The following RFC5 variants were observed in gnomAD, a reference collection of about 807,000 sequenced individuals.
RFC5 encodes the protein A1 36 kDa subunit.
A neutral mutation model predicts 44.3 loss-of-function variants in RFC5; 26 were observed. The observed-to-expected ratio is 0.59, with a 90% CI of 0.43 to 0.81. The LOEUF (loss-of-function observed/expected upper bound fraction) is 0.81. Among genes scored for constraint, RFC5 ranks in the 40% least tolerant of loss-of-function variants. The pLI, the probability that RFC5 is intolerant of heterozygous loss-of-function variation, is 0.00. For missense variants in RFC5, 328 were observed against 418.6 expected, an observed-to-expected ratio of 0.78 and a Z score of 1.89; for synonymous variants, 155 against 155.2, an observed-to-expected ratio of 1.00 and a Z score of 0.01.
chr12:118,037,126 G>C (rs144645720), downstream of RFC5, among the ~76,000 whole-genome samples: 710 of 152,164 alleles, frequency 4.7e-3, 5 homozygotes, highest in African/African-American at 0.016. Context: ...AGGTTGCAGT[G>C]ACCTGAGATC....
intron 5 of RFC5, 107 bp from the exon 6 acceptor site, chr12:118,024,744 G>C (rs998256644): frequency 2.2e-6 from 2 of 928,372 alleles, no homozygotes; most frequent in Admixed American, 4.5e-5. Context: ...TTGCAGTATT[G>C]AATCTTTTCC....
chr12:118,020,211 C>T (rs905720282), intron 3 of RFC5, among the ~76,000 whole-genome samples: 1 of 152,178 alleles, frequency 6.6e-6, no homozygotes, highest in Non-Finnish European at 1.5e-5. Flanking sequence ...GATGCCTGGG[C>T]CTTCCCTGGG....
chr12:118,018,098 T>C (rs1382107927), intron 1 of RFC5: 3 of 684,976 alleles, frequency 4.4e-6, no homozygotes, highest in Admixed American at 4.1e-5. Flanking sequence ...TCTGGTTTCT[T>C]TCACTCAGGA....
rs2030339355 is a variant in RFC5 at position 118,019,502 on chromosome 12, A to C, written c.131-130A>C. 1.0e-6 allele frequency: 1 copy of C among 986,972 alleles called. No individual in the cohort carries two copies. Among genetic ancestry groups the C allele is most frequent in the African/African-American group, 1.6e-5 (1 of 61,404 alleles). The allele number at this position is 986,972 out of a possible 1,614,324, so 61.1% of individuals were successfully genotyped here. A position where few individuals can be genotyped will look rare whatever the true frequency, so the allele number is the denominator to read the frequency against. On this transcript the variant is annotated intron_variant, in intron 2 of 10. Coordinates refer to ENST00000454402, the MANE Select transcript of RFC5 (RefSeq NM_007370.7). The surrounding 1 kb of genome is among the most constrained non-coding windows in gnomAD (Gnocchi z 4.2). ...ACGAAAGTAGATATGAGGCCCCTACATCAAGTTGTATCTGCCTCTGATTTG... is the reference window on the plus strand; with the variant it reads ...ACGAAAGTAGATATGAGGCCCCTACCTCAAGTTGTATCTGCCTCTGATTTG...
At chr12:118,035,701 G>T (rs530233009), downstream of RFC5, 2 of 186,976 alleles carry the variant, frequency 1.1e-5, no homozygotes, top group African/African-American at 4.7e-5. Context: ...GACCAAGTTT[G>T]TGAGAACATG....
chr12:118,036,329 A>G (rs1193903248), downstream of RFC5: 2 of 1,610,634 alleles, frequency 1.2e-6, no homozygotes, highest in African/African-American at 1.3e-5. Context: ...GCAGGGATTC[A>G]GTCCTTACTG....
chr12:118,029,896 C>A, intron 10 of RFC5, 71 bp downstream of exon 10: 2 of 1,185,710 alleles, frequency 1.7e-6, no homozygotes, highest in Non-Finnish European at 2.5e-6. Context: ...TTTGTTTCAA[C>A]TTTCTTGGTT....
chr12:118,036,507 A>T (rs1415163489), downstream of RFC5: 1 of 1,610,124 alleles, frequency 6.2e-7, no homozygotes, highest in South Asian at 1.1e-5. Context: ...CTCCATAGAA[A>T]GACCTGTGGA....
chr12:118,038,312 C>T, the RFC5 span: 1 of 1,614,088 alleles, frequency 6.2e-7, no homozygotes, highest in Non-Finnish European at 8.5e-7. Flanking sequence ...CTGCAGAGCA[C>T]AGCATGCTGC....
At chr12:118,025,058 T>C (rs2137719560) in intron 6 of RFC5, 48 bp downstream of exon 6, 1 of 1,567,982 alleles carries the variant, frequency 6.4e-7, no homozygotes, top group Admixed American at 1.8e-5. Context: ...AGAAACAGGC[T>C]TGTGGGATCA....
intron 9 of RFC5, among the ~76,000 whole-genome samples, chr12:118,028,966 T>C (rs2031141441): frequency 6.6e-6 from 1 of 152,244 alleles, no homozygotes; most frequent in Admixed American, 6.5e-5. Flanking sequence ...ACCGGGTCAA[T>C]GAATGTTGGT....
intron 4 of RFC5, among the ~76,000 whole-genome samples, chr12:118,021,609 T>C (rs1313199415): frequency 6.7e-6 from 1 of 150,108 alleles, no homozygotes; most frequent in African/African-American, 2.5e-5. Flanking sequence ...AAAAATAAAT[T>C]GAGATCAGGA....
intron 1 of RFC5, chr12:118,017,968 T>G: frequency 1.4e-6 from 1 of 693,776 alleles, no homozygotes. Flanking sequence ...CCATTGACAG[T>G]TACTCCCCAT....
At chr12:118,032,387 G>A (rs1290655216), downstream of RFC5, 3 of 152,178 alleles carry the variant, frequency 2.0e-5, no homozygotes, top group Non-Finnish European at 2.9e-5. Flanking sequence ...AGCATCTGCT[G>A]TACCTGGAAC....
intron 5 of RFC5, among the ~76,000 whole-genome samples, chr12:118,022,944 C>T (rs1251021639): frequency 2.6e-5 from 4 of 152,184 alleles, no homozygotes; most frequent in Admixed American, 2.0e-4. Context: ...CTAAGCCCTG[C>T]GGGGACTTTT....
At chr12:118,033,987 G>A (rs1165647944), downstream of RFC5, 5 of 629,786 alleles carry the variant, frequency 7.9e-6, no homozygotes, top group Non-Finnish European at 1.4e-5. Flanking sequence ...CCGTGCAAGT[G>A]GAATCTCTTC....
Position 118,019,742 on chromosome 12 carries a change from A to G in RFC5, c.241A>G (p.Lys81Glu). 6.2e-7 allele frequency: 1 copy of G among 1,614,054 alleles called. No homozygotes were observed. The highest frequency in any genetic ancestry group is 1.3e-5 in the African/African-American group (1 of 75,036). The change falls in exon 3 of 11, where the codon AAA becomes GAA. Residue 81 changes from lysine (K) to glutamate (E), a missense_variant. Lys to Glu is a moderately conservative substitution (Grantham distance 56, BLOSUM62 1). Transcript: ENST00000454402. This position sits in a 1 kb window ranked among gnomAD's most constrained non-coding sequence, Gnocchi z 4.2. ...LACAKQLYKD[K>E]EFGSMVLELN... is the part of the protein sequence containing the mutation. ...CTGTGCGAAACAGCTATATAAAGACAAAGAATTTGGCTCCATGGTCTTGGA... is the reference window on the plus strand; with the variant it reads ...CTGTGCGAAACAGCTATATAAAGACGAAGAATTTGGCTCCATGGTCTTGGA...
At chr12:118,030,445 C>T (rs2031240128) in intron 10 of RFC5, among the ~76,000 whole-genome samples, 1 of 152,170 alleles carries the variant, frequency 6.6e-6, no homozygotes, top group South Asian at 2.1e-4. Context: ...CAGTGTCCTG[C>T]TTTACTGACT....
intron 6 of RFC5, chr12:118,025,268 CTTCT>C (rs2030857824): frequency 2.4e-6 from 1 of 416,924 alleles, no homozygotes; most frequent in Non-Finnish European, 4.3e-6. Flanking sequence ...TCCTCCTACT[CTTCT>C]TTGTCATTGG....
Sources: allele counts gnomAD v4.1 joint callset (sites outside exome capture counted in the v4.1 genomes callset), GRCh38; gene constraint gnomAD v4.1.1; non-coding constraint Gnocchi (gnomAD v3.1); transcripts MANE v1.5; gene names NCBI Gene and HGNC (gene_info 2026-07-23, HGNC 2026-07-21).